The following C8orf34 variants were observed in gnomAD, a reference collection of about 807,000 sequenced individuals.
The protein encoded by C8orf34 is uncharacterized protein C8orf34.
In C8orf34, 65 loss-of-function variants were observed where a neutral mutation model predicts 68.3. The observed-to-expected ratio is 0.95, with a 90% CI of 0.78 to 1.17. The LOEUF (loss-of-function observed/expected upper bound fraction) is 1.17. Ranked by LOEUF, C8orf34 falls within the 50% of genes most tolerant of loss-of-function variation. C8orf34 has a pLI of 0.00. For missense variants in C8orf34, 664 were observed against 655.4 expected, an observed-to-expected ratio of 1.01 and a Z score of -0.14; for synonymous variants, 244 against 241.2, an observed-to-expected ratio of 1.01 and a Z score of -0.11.
chr8:68,805,528 T>C (rs1824456383), intron 12 of C8orf34, among the ~76,000 whole-genome samples: 1 of 152,230 alleles, frequency 6.6e-6, no homozygotes, highest in South Asian at 2.1e-4. Context: ...ATTAGTTTTA[T>C]ATAAATTTAA....
rs141374261 is a variant in C8orf34 at position 68,692,631 on chromosome 8, T to C, written c.1242-16363T>C. Among the ~76,000 whole-genome samples, 996 of 152,184 alleles carry C rather than the reference T, an allele frequency of 6.5e-3. 12 individuals are homozygous for C. Among genetic ancestry groups the C allele is most frequent in the African/African-American group, 0.023 (955 of 41,558 alleles). Reference sequence around the variant, plus strand: ...CAAATAAATGACAGGTAAAGGCTCATAAGTAAAACTTGTTAATATAGATTC... The same window carrying C: ...CAAATAAATGACAGGTAAAGGCTCACAAGTAAAACTTGTTAATATAGATTC... On this transcript the variant is annotated intron_variant, in intron 8 of 13. Transcript: ENST00000518698.
intron 4 of C8orf34, among the ~76,000 whole-genome samples, chr8:68,473,412 G>T (rs897592894): frequency 1.3e-5 from 2 of 152,092 alleles, no homozygotes; most frequent in Non-Finnish European, 1.5e-5. Context: ...CACTTGGCAG[G>T]TGCCATGTTG....
At chr8:68,486,380 A>G (rs1813079626) in intron 4 of C8orf34, among the ~76,000 whole-genome samples, 1 of 152,176 alleles carries the variant, frequency 6.6e-6, no homozygotes, top group Admixed American at 6.5e-5. Context: ...TAATACAGCA[A>G]GTCCTTGAAT....
At chr8:68,330,417 G>A (rs1368721030), upstream of C8orf34, among the ~76,000 whole-genome samples, 1 of 152,048 alleles carries the variant, frequency 6.6e-6, no homozygotes, top group Non-Finnish European at 1.5e-5. Flanking sequence ...GCGTTCACCC[G>A]TCGACTTGCT....
chr8:68,352,057 C>T (rs1381158820), intron 1 of C8orf34, among the ~76,000 whole-genome samples: 3 of 151,584 alleles, frequency 2.0e-5, no homozygotes, highest in Non-Finnish European at 2.9e-5. Flanking sequence ...TTTTTACTGT[C>T]GAGTTTTAAG....
Position 68,416,001 on chromosome 8 carries a change from C to T in C8orf34, c.328-23498C>T, listed in dbSNP as rs1160669684. ...CTTATTCTAAAATGAGAAAAGAATACCTGCTTCACAGATTGTTGTTGTGAG... is the reference window on the plus strand; with the variant it reads ...CTTATTCTAAAATGAGAAAAGAATATCTGCTTCACAGATTGTTGTTGTGAG... On this transcript the variant is annotated intron_variant, in intron 1 of 13. Coordinates refer to ENST00000518698, the MANE Select transcript of C8orf34 (RefSeq NM_052958.4). 2.6e-5 allele frequency among the ~76,000 whole-genome samples: 4 copies of T among 152,114 alleles called. No individual in the cohort carries two copies. The East Asian group carries it at 5.8e-4, about 22-fold the overall frequency.
At chr8:68,344,676 GAAA>G (rs1806208244) in intron 1 of C8orf34, among the ~76,000 whole-genome samples, 2 of 152,172 alleles carry the variant, frequency 1.3e-5, no homozygotes, top group Admixed American at 6.5e-5. Flanking sequence ...TAACTTTCAA[GAAA>G]GTAGACAGGG....
intron 1 of C8orf34, among the ~76,000 whole-genome samples, chr8:68,366,646 GA>G (rs1807272065): frequency 6.6e-6 from 1 of 150,642 alleles, no homozygotes; most frequent in Non-Finnish European, 1.5e-5. Context: ...AAGAAATGGG[GA>G]AAGGATTCCC....
At chr8:68,690,048 C>T (rs545388734) in intron 8 of C8orf34, among the ~76,000 whole-genome samples, 2 of 152,144 alleles carry the variant, frequency 1.3e-5, no homozygotes, top group Non-Finnish European at 2.9e-5. Context: ...ATCATATTGC[C>T]TCATCCATTT....
chr8:68,420,538 C>T (rs1441072027), intron 1 of C8orf34, among the ~76,000 whole-genome samples: 2 of 152,046 alleles, frequency 1.3e-5, no homozygotes, highest in Non-Finnish European at 2.9e-5. Context: ...GTGGCACACA[C>T]ACACACACAC....
At chr8:68,759,391 A>G (rs1822962873) in intron 10 of C8orf34, among the ~76,000 whole-genome samples, 1 of 152,374 alleles carries the variant, frequency 6.6e-6, no homozygotes, top group African/African-American at 2.4e-5. Context: ...CTGAAGGATC[A>G]GAAATTAGCA....
chr8:68,617,807 A>T (rs1818271490), intron 7 of C8orf34, among the ~76,000 whole-genome samples: 1 of 152,006 alleles, frequency 6.6e-6, no homozygotes, highest in African/African-American at 2.4e-5. Flanking sequence ...AGTTCTCTGT[A>T]TTTCCTGAAT....
chr8:68,558,721 G>T (rs1379660081), intron 7 of C8orf34, among the ~76,000 whole-genome samples: 1 of 152,066 alleles, frequency 6.6e-6, no homozygotes, highest in Non-Finnish European at 1.5e-5. Context: ...ATTGTAGAAG[G>T]ATATCAGTGC....
chr8:68,535,303 T>C (rs1219815116), intron 7 of C8orf34: 5 of 980,130 alleles, frequency 5.1e-6, no homozygotes, highest in Non-Finnish European at 6.1e-6. Context: ...GAATCTACAT[T>C]TTGTAGATGT....
intron 11 of C8orf34, among the ~76,000 whole-genome samples, chr8:68,779,773 G>C (rs75875859): frequency 1.3e-4 from 20 of 151,710 alleles, no homozygotes; most frequent in African/African-American, 4.4e-4. Flanking sequence ...ATTCACGAAG[G>C]TTTACTTTCT....
At chr8:68,683,070 G>A (rs969624764) in intron 8 of C8orf34, among the ~76,000 whole-genome samples, 5 of 151,836 alleles carry the variant, frequency 3.3e-5, no homozygotes, top group African/African-American at 1.2e-4. Flanking sequence ...TTTGAGTTTC[G>A]TCATATTGAA....
At chr8:68,800,643 T>C (rs924747925) in intron 12 of C8orf34, among the ~76,000 whole-genome samples, 5 of 152,316 alleles carry the variant, frequency 3.3e-5, no homozygotes, top group African/African-American at 1.2e-4. Context: ...TTGCAAATTT[T>C]ATGTGGCTGT....
intron 7 of C8orf34, among the ~76,000 whole-genome samples, chr8:68,541,347 T>A (rs1355432636): frequency 6.6e-6 from 1 of 151,976 alleles, no homozygotes; most frequent in Non-Finnish European, 1.5e-5. Flanking sequence ...ACGTCTGTAG[T>A]CCCAGCTACT....
At chr8:68,757,072 A>G (rs765857549) in intron 10 of C8orf34, among the ~76,000 whole-genome samples, 23 of 152,236 alleles carry the variant, frequency 1.5e-4, no homozygotes, top group Non-Finnish European at 2.6e-4. Context: ...GTTGAATGGC[A>G]TTGTTAGATT....
Sources: allele counts gnomAD v4.1 joint callset (sites outside exome capture counted in the v4.1 genomes callset), GRCh38; gene constraint gnomAD v4.1.1; transcripts MANE v1.5; gene names NCBI Gene and HGNC (gene_info 2026-07-23, HGNC 2026-07-21).